The following PPP1R36 variants were observed in gnomAD, a reference collection of about 807,000 sequenced individuals.
The protein encoded by PPP1R36 is protein phosphatase 1 regulatory subunit 36.
Under a neutral mutation model 53.4 loss-of-function variants are expected in PPP1R36, and 47 were observed. That is an observed-to-expected ratio of 0.88 (90% confidence interval 0.70 to 1.12). PPP1R36 has a LOEUF of 1.12. PPP1R36 is among the 50% of genes most tolerant of loss of function. The pLI is 0.00. For synonymous variants in PPP1R36, 153 were observed against 170.5 expected (o/e 0.90, Z 0.80); for missense variants, 456 against 513.9 (o/e 0.89, Z 1.09).
intron 7 of PPP1R36, among the ~76,000 whole-genome samples, chr14:64,571,467 T>C (rs776606510): frequency 6.6e-6 from 1 of 152,128 alleles, no homozygotes; most frequent in Non-Finnish European, 1.5e-5. Context: ...TACTTTCAAG[T>C]TACTATAATC....
intron 3 of PPP1R36, chr14:64,561,689 A>G (rs755123269): frequency 1.4e-5 from 6 of 428,394 alleles, no homozygotes; most frequent in Admixed American, 5.2e-5. Context: ...TTTGGTAAAG[A>G]GATAATACCT....
chr14:64,572,292 G>A (rs571844958), intron 7 of PPP1R36, among the ~76,000 whole-genome samples: 14 of 152,158 alleles, frequency 9.2e-5, no homozygotes, highest in South Asian at 2.1e-4. Context: ...ATGCATAAGC[G>A]CATCCGTTTC....
intron 3 of PPP1R36, among the ~76,000 whole-genome samples, chr14:64,555,066 C>G (rs1473701290): frequency 1.3e-5 from 2 of 152,098 alleles, no homozygotes; most frequent in East Asian, 3.8e-4. Context: ...TAACCGTTTT[C>G]TTGTTTGCCT....
chr14:64,560,103 CAAAAAAAAAAAAAAA>C (rs1171697200), intron 3 of PPP1R36, among the ~76,000 whole-genome samples: 1 of 27,446 alleles, frequency 3.6e-5, no homozygotes, highest in African/African-American at 1.1e-4. Context: ...GAATCTGTCA[CAAAAAAAAAAAAAAA>C]AAAAAAAAAA....
chr14:64,578,949 C>T (rs1465332624), intron 8 of PPP1R36, among the ~76,000 whole-genome samples: 2 of 152,214 alleles, frequency 1.3e-5, no homozygotes, highest in Non-Finnish European at 2.9e-5. Context: ...GAGATCATGC[C>T]TTCTGTGGGA....
intron 11 of PPP1R36, among the ~76,000 whole-genome samples, chr14:64,588,824 T>A (rs958667084): frequency 2.1e-4 from 32 of 152,064 alleles, no homozygotes; most frequent in Admixed American, 1.8e-3. Flanking sequence ...CCTCCCAAAG[T>A]GCTGGGATTA....
At chr14:64,562,702 A>G (rs970612921) in intron 3 of PPP1R36, among the ~76,000 whole-genome samples, 1 of 152,072 alleles carries the variant, frequency 6.6e-6, no homozygotes, top group African/African-American at 2.4e-5. Flanking sequence ...ACTATTGGCT[A>G]AGGGCAGGCA....
intron 6 of PPP1R36, 107 bp downstream of exon 6, chr14:64,565,799 G>A (rs1350540052): frequency 8.3e-6 from 7 of 848,310 alleles, no homozygotes; most frequent in Non-Finnish European, 1.3e-5. Flanking sequence ...GCGTGAGGCT[G>A]GCTCTATGCA....
At chr14:64,586,492 C>G (rs1451637287) in intron 8 of PPP1R36, 1 of 194,830 alleles carries the variant, frequency 5.1e-6, no homozygotes, top group Non-Finnish European at 1.0e-5. Flanking sequence ...TGCAGACTTA[C>G]CCTCTAGTTC....
chr14:64,561,435 A>C (rs2080204788), intron 3 of PPP1R36, among the ~76,000 whole-genome samples: 1 of 152,212 alleles, frequency 6.6e-6, no homozygotes, highest in African/African-American at 2.4e-5. Flanking sequence ...TCCATGCAAG[A>C]AATGCCAGGG....
intron 4 of PPP1R36, among the ~76,000 whole-genome samples, chr14:64,565,149 A>T (rs1288921490): frequency 1.3e-5 from 2 of 152,244 alleles, no homozygotes; most frequent in Non-Finnish European, 2.9e-5. Context: ...TACATTTTAT[A>T]TCAGGCAGTG....
Position 64,550,085 on chromosome 14 carries a change from G to A in PPP1R36, c.69+19G>A, listed in dbSNP as rs745456219. The A allele has an allele frequency of 6.4e-7, 1 of 1,551,514 alleles. No homozygotes were observed. On this transcript the variant is annotated intron_variant, in intron 1 of 11. Coordinates refer to ENST00000298705, the MANE Select transcript of PPP1R36 (RefSeq NM_172365.3). ...GATGGATGTAAGTGCAGCCTTGGTC[G>A]CCCCCATACCCGGGCTGGGCGCAAG...
At chr14:64,551,076 A>G in intron 2 of PPP1R36, 91 bp downstream of exon 2, 1 of 770,166 alleles carries the variant, frequency 1.3e-6, no homozygotes, top group Non-Finnish European at 2.1e-6. Flanking sequence ...GAGAATAAAT[A>G]CCCACTGAAC....
At chr14:64,554,055 A>G (rs2080121979) in intron 3 of PPP1R36, among the ~76,000 whole-genome samples, 1 of 148,030 alleles carries the variant, frequency 6.8e-6, no homozygotes, top group African/African-American at 2.5e-5. Context: ...AGACCCTTGT[A>G]TATTTTAGGT....
intron 3 of PPP1R36, among the ~76,000 whole-genome samples, chr14:64,553,655 G>T (rs1016770583): frequency 6.6e-6 from 1 of 151,790 alleles, no homozygotes; most frequent in Non-Finnish European, 1.5e-5. Context: ...ACCTTCAGGG[G>T]GTTATCAACT....
At chr14:64,558,459 G>A (rs1173429089) in intron 3 of PPP1R36, among the ~76,000 whole-genome samples, 2 of 151,864 alleles carry the variant, frequency 1.3e-5, no homozygotes, top group African/African-American at 2.4e-5. Context: ...TGTGCCTGTG[G>A]TTCCAGATAC....
In PPP1R36 at chr14:64,587,240, G is replaced by A. The variant is rs145854779; in HGVS notation, c.758G>A (p.Arg253His). The A allele has an allele frequency of 6.0e-5, 97 of 1,613,184 alleles. No individual in the cohort carries two copies. Among genetic ancestry groups the A allele is most frequent in the Middle Eastern group, 3.3e-4 (2 of 6,082 alleles). ...CTYVAWIVFRRQHLTEIEEEV... is the reference protein window; with the variant it reads ...CTYVAWIVFRHQHLTEIEEEV... ...TATGTGGCTTGGATTGTCTTCCGAC[G>A]TCAACACTTGACAGAGATTGAAGAA... Residue 253 changes from arginine (R) to histidine (H), a missense_variant, in exon 10 of 12, where the codon CGT (arginine) becomes CAT (histidine). By Grantham distance (29) the Arg-to-His change is conservative (BLOSUM62 0). Transcript: ENST00000298705.
At chr14:64,562,130 G>A (rs537780157) in intron 3 of PPP1R36, 1 of 177,478 alleles carries the variant, frequency 5.6e-6, no homozygotes, top group African/African-American at 2.4e-5. Context: ...CCAGACCGTG[G>A]TTTGGGCACC....
chr14:64,571,412 C>T (rs904277796), intron 7 of PPP1R36, among the ~76,000 whole-genome samples: 3 of 152,142 alleles, frequency 2.0e-5, no homozygotes, highest in African/African-American at 7.2e-5. Flanking sequence ...TAAGCCTGAG[C>T]CACCGTGCCC....
Sources: gnomAD v4.1 joint callset for allele counts (sites outside exome capture counted in the v4.1 genomes callset) on GRCh38, gnomAD v4.1.1 for gene constraint, MANE v1.5 for transcripts, NCBI Gene and HGNC (gene_info 2026-07-23, HGNC 2026-07-21) for gene names.